The following GNB1 variants were observed in gnomAD, a reference collection of about 807,000 sequenced individuals.
GNB1 encodes guanine nucleotide-binding protein G(I)/G(S)/G(T) subunit beta-1.
Under a neutral mutation model 42.9 loss-of-function variants are expected in GNB1, and 2 were observed. That is an observed-to-expected ratio of 0.05 (90% CI 0.02 to 0.15). The LOEUF is 0.15. GNB1 is among the 10% of genes least tolerant of loss of function. The pLI is 1.00. For synonymous variants in GNB1, 183 were observed against 174.7 expected (o/e 1.05, Z -0.38); for missense variants, 193 against 462.2 (o/e 0.42, Z 5.34).
At chr1:1,817,666 C>A (rs997036448) in intron 4 of GNB1, 171 bp downstream of exon 4, 5 of 526,018 alleles carry the variant, frequency 9.5e-6, no homozygotes, top group Non-Finnish European at 1.7e-5. Flanking sequence ...CTCAATAAGC[C>A]CCTCTATTTC....
intron 1 of GNB1, among the ~76,000 whole-genome samples, chr1:1,885,326 T>C (rs1264736319): frequency 6.7e-6 from 1 of 150,094 alleles, no homozygotes; most frequent in Non-Finnish European, 1.5e-5. Context: ...GGCAGGAGAA[T>C]CACTTGAACC....
At chr1:1,868,306 G>C (rs1649055322) in intron 1 of GNB1, among the ~76,000 whole-genome samples, 1 of 152,170 alleles carries the variant, frequency 6.6e-6, no homozygotes, top group Admixed American at 6.5e-5. Flanking sequence ...CTCCCGCGTA[G>C]CTGGGATTAC....
At chr1:1,863,746 G>A (rs1648760257) in intron 1 of GNB1, among the ~76,000 whole-genome samples, 1 of 152,196 alleles carries the variant, frequency 6.6e-6, no homozygotes, top group African/African-American at 2.4e-5. Context: ...GATTTCAAAG[G>A]AGATTTAAGT....
chr1:1,790,609 C>A lies in GNB1; in HGVS notation c.498-13G>T. 6.2e-7 allele frequency: 1 copy of A among 1,600,164 alleles called. No individual in the cohort carries two copies. Among genetic ancestry groups the A allele is most frequent in the Non-Finnish European group, 8.6e-7 (1 of 1,167,802 alleles). ...GTCCCACAGGGCACTGGAGCAGGAG[C>A]GAATGACAAGGGGACATCAGCCTTA... On this transcript the variant is annotated splice_polypyrimidine_tract_variant and intron_variant, in intron 8 of 11. Transcript: ENST00000378609. The surrounding 1 kb of genome is among the most constrained non-coding windows in gnomAD (Gnocchi z 5.4).
chr1:1,871,660 G>A (rs1040109760), intron 1 of GNB1, among the ~76,000 whole-genome samples: 5 of 152,122 alleles, frequency 3.3e-5, no homozygotes, highest in Non-Finnish European at 5.9e-5. Flanking sequence ...GTTAGCCGGC[G>A]GTTGGCACTT....
chr1:1,844,913 A>C (rs1404324824), intron 1 of GNB1, among the ~76,000 whole-genome samples: 1 of 152,240 alleles, frequency 6.6e-6, no homozygotes, highest in Non-Finnish European at 1.5e-5. Flanking sequence ...TTTTGCCTAA[A>C]GGCCTGGGGG....
intron 3 of GNB1, among the ~76,000 whole-genome samples, chr1:1,819,433 C>G (rs1246968836): frequency 6.6e-6 from 1 of 152,098 alleles, no homozygotes; most frequent in African/African-American, 2.4e-5. Flanking sequence ...ATTGGCCAGG[C>G]TGGTCTAGAA....
intron 1 of GNB1, among the ~76,000 whole-genome samples, chr1:1,874,967 G>A (rs1028145311): frequency 1.3e-5 from 2 of 152,120 alleles, no homozygotes; most frequent in African/African-American, 4.8e-5. Context: ...CAGATCATCA[G>A]GCATTAGATT....
chr1:1,785,907 C>T lies in GNB1; in HGVS notation c.*1156G>A, dbSNP rs1043389152. The T allele has an allele frequency of 2.8e-5, 11 of 398,496 alleles. No homozygotes were observed. Among genetic ancestry groups the T allele is most frequent in the East Asian group, 7.1e-5 (2 of 28,038 alleles). 24.7% of individuals were successfully genotyped at this position (398,496 alleles called of 1,614,324 possible). A position where few individuals can be genotyped will look rare whatever the true frequency, so the allele number is the denominator to read the frequency against. ...TCCGATATGTGCCACAGAGCAGCAA[C>T]GAGAAGTGGACAGAGCCGCAATGGT... On this transcript the variant is annotated 3_prime_UTR_variant, in exon 12 of 12. Transcript: ENST00000378609.
At chr1:1,834,322 G>C (rs762773291) in intron 2 of GNB1, among the ~76,000 whole-genome samples, 1 of 152,070 alleles carries the variant, frequency 6.6e-6, no homozygotes, top group Non-Finnish European at 1.5e-5. Flanking sequence ...TGACTCTCCC[G>C]AAGCCTTATT....
chr1:1,822,665 G>A (rs1288186667), intron 3 of GNB1, among the ~76,000 whole-genome samples: 1 of 152,124 alleles, frequency 6.6e-6, no homozygotes, highest in Non-Finnish European at 1.5e-5. Flanking sequence ...AATGTCACGT[G>A]ACATTTGTGC....
At chr1:1,874,784 CCT>C (rs1229172817) in intron 1 of GNB1, among the ~76,000 whole-genome samples, 1 of 151,450 alleles carries the variant, frequency 6.6e-6, no homozygotes, top group African/African-American at 2.4e-5. Context: ...AGAGTGACAC[CCT>C]GTCTCAAAAA....
chr1:1,885,770 G>C (rs1261711109), intron 1 of GNB1, among the ~76,000 whole-genome samples: 1 of 150,312 alleles, frequency 6.7e-6, no homozygotes, highest in Non-Finnish European at 1.5e-5. Flanking sequence ...GTGTTAGCCA[G>C]GATGGTCTCA....
At chr1:1,890,564 T>C (rs2101990898) in intron 1 of GNB1, among the ~76,000 whole-genome samples, 1 of 148,044 alleles carries the variant, frequency 6.8e-6, no homozygotes, top group Admixed American at 6.7e-5. Flanking sequence ...CGCACCCCGG[T>C]GCCGAAACTC....
chr1:1,847,589 C>T (rs1647737644), intron 1 of GNB1, among the ~76,000 whole-genome samples: 1 of 152,156 alleles, frequency 6.6e-6, no homozygotes. Flanking sequence ...TCCCAATAGA[C>T]AGAACATTGT....
rs544029395 is a variant in GNB1 at position 1,860,894 on chromosome 1, G to A, written c.-95-21656C>T. 5.9e-5 allele frequency among the ~76,000 whole-genome samples: 9 copies of A among 152,020 alleles called. No individual in the cohort carries two copies. In the East Asian group the frequency reaches 1.7e-3, roughly 29 times the overall value. On this transcript the variant is annotated intron_variant, in intron 1 of 11. Coordinates refer to ENST00000378609, the MANE Select transcript of GNB1 (RefSeq NM_002074.5). ...AGGCCGAGCCGGACAGATCGCTTGAGGTCAGGAGTTCGAGACCCGCCTGAC... is the reference window on the plus strand; with the variant it reads ...AGGCCGAGCCGGACAGATCGCTTGAAGTCAGGAGTTCGAGACCCGCCTGAC...
intron 2 of GNB1, among the ~76,000 whole-genome samples, chr1:1,834,897 T>C (rs1211034318): frequency 1.3e-5 from 2 of 152,032 alleles, no homozygotes; most frequent in Non-Finnish European, 2.9e-5. Flanking sequence ...CTTGATCTCC[T>C]GACTTCATGA....
intron 5 of GNB1, among the ~76,000 whole-genome samples, chr1:1,813,249 G>A (rs1646807205): frequency 6.6e-6 from 1 of 151,704 alleles, no homozygotes; most frequent in Non-Finnish European, 1.5e-5. Flanking sequence ...CAAGTAGCTG[G>A]GACTACAGCT....
intron 9 of GNB1, 73 bp from the exon 10 acceptor site, chr1:1,789,342 T>TG: frequency 1.2e-6 from 1 of 833,206 alleles, no homozygotes. Context: ...GATTGCTCAA[T>TG]GGTAGGGCTG....
Sources: allele counts gnomAD v4.1 joint callset (sites outside exome capture counted in the v4.1 genomes callset), GRCh38; gene constraint gnomAD v4.1.1; non-coding constraint Gnocchi (gnomAD v3.1); transcripts MANE v1.5; gene names NCBI Gene and HGNC (gene_info 2026-07-23, HGNC 2026-07-21).